The following NEB variants were observed in gnomAD, a reference collection of about 807,000 sequenced individuals.
The protein encoded by NEB is nemaline myopathy type 2.
NEB carries 512 observed loss-of-function variants against 952.2 expected under a neutral mutation model. The observed-to-expected ratio is 0.54, with a 90% CI of 0.50 to 0.58. NEB has a LOEUF of 0.58. NEB is among the 20% of genes least tolerant of loss of function. The pLI is 0.00. For synonymous variants in NEB, 2,900 were observed against 3,149.8 expected, an observed-to-expected ratio of 0.92 and a Z score of 2.66; for missense variants, 8,428 against 9,231.1, an observed-to-expected ratio of 0.91 and a Z score of 3.56.
At chr2:151,617,268 A>G in intron 75 of NEB, 96 bp downstream of exon 75, 1 of 728,938 alleles carries the variant, frequency 1.4e-6, no homozygotes, top group Admixed American at 2.6e-5. Context: ...AGTTTGTAGT[A>G]TGTGTAGTAA....
intron 60 of NEB, among the ~76,000 whole-genome samples, chr2:151,642,194 A>T (rs2098872668): frequency 6.6e-6 from 1 of 152,204 alleles, no homozygotes; most frequent in African/African-American, 2.4e-5. Flanking sequence ...TGTGTCCTAT[A>T]ATTCAGCCCT....
Position 151,493,418 on chromosome 2 carries a change from C to T in NEB, c.24700G>A (p.Ala8234Thr), listed in dbSNP as rs2058058193. The change falls in exon 176 of 182, where the codon GCA (alanine) becomes ACA (threonine). Residue 8234 changes from alanine to threonine, a missense_variant. Ala to Thr is a moderately conservative substitution (Grantham distance 58). This residue lies in a region of NEB where 3,374 missense variants were observed against 3,651.5 expected (regional missense o/e 0.92). Coordinates refer to ENST00000397345, the MANE Select transcript of NEB (RefSeq NM_001164508.2). ...SVLYKENMRK[A>T]TPTPVTPEME... is the part of the protein sequence containing the mutation. ...TCTGGAGTAACAGGTGTCGGAGTTG[C>T]TTTTCTCATGTTCTCTTTGTACAAT... The T allele has an allele frequency of 6.2e-7, 1 of 1,607,154 alleles. No homozygotes were observed. The highest frequency in any genetic ancestry group is 8.5e-7 in the Non-Finnish European group (1 of 1,177,920).
chr2:151,682,026 A>G (rs1045051706), intron 29 of NEB, among the ~76,000 whole-genome samples: 1 of 152,222 alleles, frequency 6.6e-6, no homozygotes, highest in Admixed American at 6.5e-5. Context: ...TCAAAACTGC[A>G]ATTACTTTTG....
At chr2:151,513,490 C>A (rs1575706490) in intron 160 of NEB, 90 bp downstream of exon 160, 3 of 926,450 alleles carry the variant, frequency 3.2e-6, no homozygotes, top group East Asian at 5.3e-5. Flanking sequence ...ATGTGACTGT[C>A]ACCAATAAAT....
chr2:151,502,119 A>G (rs1213348408), intron 167 of NEB, among the ~76,000 whole-genome samples: 1 of 152,238 alleles, frequency 6.6e-6, no homozygotes, highest in Non-Finnish European at 1.5e-5. Context: ...TAACTCAGGA[A>G]TGGAAAACCA....
In NEB at chr2:151,498,149, A is replaced by C. The variant is rs928688683; in HGVS notation, c.24207+111T>G. On this transcript the variant is annotated intron_variant, in intron 170 of 181. Transcript: ENST00000397345. Reference sequence around the variant, plus strand: ...AAAGTATATCCTTTTGTAATATAAGATGTATTAGAAGCAAAGAAGGGAAAT... The same window carrying C: ...AAAGTATATCCTTTTGTAATATAAGCTGTATTAGAAGCAAAGAAGGGAAAT... The C allele has an allele frequency of 2.6e-6, 4 of 1,531,476 alleles. No homozygotes were observed. The African/African-American group carries it at 4.1e-5, about 16-fold the overall frequency. The allele number at this position is 1,531,476 out of a possible 1,614,324, so 94.9% of individuals were successfully genotyped here.
At chr2:151,530,825 T>C in intron 145 of NEB, 169 bp downstream of exon 145, 1 of 569,512 alleles carries the variant, frequency 1.8e-6, no homozygotes, top group Non-Finnish European at 3.1e-6. Flanking sequence ...ACTGTTCAGC[T>C]GTGTCCAGTC....
chr2:151,629,424 T>C (rs2098609052), intron 68 of NEB, 115 bp downstream of exon 68: 1 of 898,886 alleles, frequency 1.1e-6, no homozygotes, highest in Middle Eastern at 2.2e-4. Flanking sequence ...TTGAATTTGA[T>C]TTAGAAAAAC....
At chr2:151,650,081 T>G in intron 54 of NEB, 95 bp downstream of exon 54, 2 of 1,150,454 alleles carry the variant, frequency 1.7e-6, no homozygotes, top group Non-Finnish European at 2.5e-6. Context: ...TATGAGGCAA[T>G]GCTTTGTGGT....
chr2:151,513,634 G>A lies in NEB; in HGVS notation c.23187C>T (p.Ala7729=). The change falls in exon 160 of 182, where the codon GCC becomes GCT. Residue 7729 remains alanine, a synonymous_variant. Transcript: ENST00000397345. ...CCCTCATAAAATCCGGAGTTTCATT[G>A]GCCATGGCATTCAGGCCTCTTCCTT... The part of the protein sequence containing the change: ...EVKGRGLNAM[A]NETPDFMRAR... 1 of 1,610,508 alleles carries A rather than the reference G, an allele frequency of 6.2e-7. No homozygotes were observed. Among genetic ancestry groups the A allele is most frequent in the Non-Finnish European group, 8.5e-7 (1 of 1,178,484 alleles).
chr2:151,646,707 TGGC>T (rs1244308400), intron 54 of NEB, among the ~76,000 whole-genome samples: 4 of 152,174 alleles, frequency 2.6e-5, no homozygotes, highest in Non-Finnish European at 1.5e-5. Flanking sequence ...TGGAGTGCAA[TGGC>T]GCAATCATGG....
At position 151,672,154 on chromosome 2, in the gene NEB, T is replaced by C. The variant is rs2099309065; in HGVS notation, c.4299+215A>G. Among the ~76,000 whole-genome samples the C allele has an allele frequency of 2.0e-5, 3 of 152,200 alleles. No homozygotes were observed. The South Asian group carries it at 6.2e-4, about 31-fold the overall frequency. ...GGAATATAGTTTTATCTTTTATCCA[T>C]AAGTTAATAAAGACAGCATCAATAA... On this transcript the variant is annotated intron_variant, in intron 37 of 181. Coordinates refer to ENST00000397345, the MANE Select transcript of NEB (RefSeq NM_001164508.2).
At chr2:151,731,803 G>A (rs1559729082) in intron 3 of NEB, among the ~76,000 whole-genome samples, 1 of 152,112 alleles carries the variant, frequency 6.6e-6, no homozygotes, top group Non-Finnish European at 1.5e-5. Flanking sequence ...TATTATCATA[G>A]GGAAGACAAT....
Position 151,606,565 on chromosome 2 carries a change from T to C in NEB, c.12747+41A>G, listed in dbSNP as rs746327457. 7.8e-5 allele frequency: 49 copies of C among 624,672 alleles called. 12 individuals are homozygous for C. In the South Asian group the frequency reaches 8.1e-4, roughly 10 times the overall value. 38.7% of individuals were successfully genotyped at this position (624,672 alleles called of 1,614,324 possible). A position where few individuals can be genotyped will look rare whatever the true frequency, so the allele number is the denominator to read the frequency against. On this transcript the variant is annotated intron_variant, in intron 84 of 181. Transcript: ENST00000397345. ...TGAAAAATAGTCTCCCTGCTCGTTT[T>C]GTAGAAAAGAAAAACCACAAGAAAA...
rs760635015 is a variant in NEB at position 151,492,185 on chromosome 2, A to G, written c.24970T>C (p.Phe8324Leu). The G allele has an allele frequency of 6.8e-6, 11 of 1,613,764 alleles. No individual in the cohort carries two copies. The highest frequency in any genetic ancestry group is 2.7e-5 in the African/African-American group (2 of 74,902). Residue 8324 changes from phenylalanine to leucine, a missense_variant, in exon 178 of 182, where the codon TTC (phenylalanine) becomes CTC (leucine). Physicochemically the swap from Phe to Leu is conservative, Grantham distance 22. Coordinates refer to ENST00000397345, the MANE Select transcript of NEB (RefSeq NM_001164508.2). ...ATACCTCGGTAGTTAATGTCACTGA[A>G]GTCCTGCATGTTCTTCTTTACTCGT... is the stretch of plus-strand genomic sequence containing the variant. ...TERVKKNMQD[F>L]SDINYRGIQR...
At chr2:151,626,508 TCAAA>T (rs750590997) in intron 70 of NEB, among the ~76,000 whole-genome samples, 1 of 152,000 alleles carries the variant, frequency 6.6e-6, no homozygotes, top group Non-Finnish European at 1.5e-5. Context: ...CTTATAGACT[TCAAA>T]CAATTTGAAC....
chr2:151,661,416 C>A (rs908491375), intron 46 of NEB, among the ~76,000 whole-genome samples: 1 of 152,160 alleles, frequency 6.6e-6, no homozygotes, highest in South Asian at 2.1e-4. Context: ...TCTAGCACAA[C>A]TATGGCCATT....
intron 27 of NEB, among the ~76,000 whole-genome samples, chr2:151,685,207 G>A (rs1280155302): frequency 1.2e-4 from 18 of 152,096 alleles, no homozygotes; most frequent in Admixed American, 5.2e-4. Context: ...AGCAGACAGC[G>A]GGCCACAGCT....
Position 151,612,246 on chromosome 2 carries a change from T to C in NEB, c.11745A>G (p.Thr3915=), listed in dbSNP as rs1342761496. ...CAATTTCCGGAGTGTCGGTAATGCA[T>C]GTGAATTTGAGCTGGTCTGCAGGCT... ...YRQPADQLKF[T]CITDTPEIVL... The change falls in exon 78 of 182, where the codon ACA becomes ACG. Residue 3915 remains threonine, a synonymous_variant. Coordinates refer to ENST00000397345, the MANE Select transcript of NEB (RefSeq NM_001164508.2). 6.2e-7 allele frequency: 1 copy of C among 1,613,906 alleles called. No homozygotes were observed. Among genetic ancestry groups the C allele is most frequent in the Non-Finnish European group, 8.5e-7 (1 of 1,179,834 alleles).
Sources: allele counts gnomAD v4.1 joint callset (sites outside exome capture counted in the v4.1 genomes callset), GRCh38; gene constraint gnomAD v4.1.1; regional missense constraint gnomAD v4.1.1; transcripts MANE v1.5; gene names NCBI Gene and HGNC (gene_info 2026-07-23, HGNC 2026-07-21).